CSPG4: variants seen among roughly 807,000 people sequenced by gnomAD.
The protein encoded by CSPG4 is chondroitin sulfate proteoglycan 4 (melanoma-associated).
A neutral mutation model predicts 139.3 loss-of-function variants in CSPG4; 74 were observed. The ratio of observed to expected loss-of-function variants is 0.53; its 90% CI spans 0.44 to 0.64. CSPG4 has a LOEUF of 0.64. Ranked by LOEUF, CSPG4 falls within the 30% of genes least tolerant of loss-of-function variation. CSPG4 has a pLI of 0.00. For synonymous variants in CSPG4, 1,234 were observed against 1,394.2 expected, an observed-to-expected ratio of 0.89 and a Z score of 2.56; for missense variants, 2,565 against 3,148.3, an observed-to-expected ratio of 0.81 and a Z score of 4.43.
chr15:75,690,283 C>T lies in CSPG4; in HGVS notation c.782G>A (p.Arg261Gln), dbSNP rs1157960844. 9 of 1,613,032 alleles carry T rather than the reference C, an allele frequency of 5.6e-6. No individual in the cohort carries two copies. The highest frequency in any genetic ancestry group is 2.2e-5 in the East Asian group (1 of 44,896). Reference protein sequence around the residue: ...IYVDIFEGHLRAVVEKGQGTV... With the variant: ...IYVDIFEGHLQAVVEKGQGTV... ...ACCCTGGCCCTTCTCCACCACGGCC[C>T]GCAGGTGGCCCTCAAATATGTCCAC... is the stretch of plus-strand genomic sequence containing the variant. Residue 261 changes from arginine to glutamine, a missense_variant, in exon 3 of 10, where the codon CGG becomes CAG. Coordinates refer to ENST00000308508, the MANE Select transcript of CSPG4 (RefSeq NM_001897.5).
chr15:75,690,942 A>G lies in CSPG4; in HGVS notation c.253-130T>C. ...GTAATCCTAGCACTTTGGGAGGCCA[A>G]GGCAGGCGGATCACCTGAGGTTAGG... On this transcript the variant is annotated intron_variant, in intron 2 of 9. Coordinates refer to ENST00000308508, the MANE Select transcript of CSPG4 (RefSeq NM_001897.5). The G allele has an allele frequency of 3.1e-6, 3 of 962,256 alleles. No homozygotes were observed. The South Asian group carries it at 5.4e-5, about 17-fold the overall frequency. 59.6% of individuals were successfully genotyped at this position (962,256 alleles called of 1,614,324 possible).
chr15:75,710,373 C>G (rs1305584245), intron 1 of CSPG4, among the ~76,000 whole-genome samples: 1 of 152,166 alleles, frequency 6.6e-6, no homozygotes, highest in Non-Finnish European at 1.5e-5. Flanking sequence ...GCTGGGGCCT[C>G]CCATACAGCT....
rs556815481 is a variant in CSPG4 at position 75,696,369 on chromosome 15, G to A, written c.89-3136C>T. Reference sequence around the variant, plus strand: ...GTGGGAGGGGCAGGAAGAGTGCTGCGTGTATGGGTTTCTCTCTCTGGAAGG... The same window carrying A: ...GTGGGAGGGGCAGGAAGAGTGCTGCATGTATGGGTTTCTCTCTCTGGAAGG... On this transcript the variant is annotated intron_variant, in intron 1 of 9. Coordinates refer to ENST00000308508, the MANE Select transcript of CSPG4 (RefSeq NM_001897.5). This position sits in a 1 kb window ranked among gnomAD's most constrained non-coding sequence, Gnocchi z 4.2. Among the ~76,000 whole-genome samples, 57 of 152,234 alleles carry A rather than the reference G, an allele frequency of 3.7e-4. No homozygotes were observed. Among genetic ancestry groups the A allele is most frequent in the Middle Eastern group, 3.4e-3 (1 of 294 alleles).
Position 75,682,937 on chromosome 15 carries a change from G to A in CSPG4, c.4554C>T (p.Asn1518=), listed in dbSNP as rs553544927. ...GCGCCCCCCGCAGCACTACCCGCCCGTTGCTGGGCTGCTCGATGGTGTAGA... is the reference window on the plus strand; with the variant it reads ...GCGCCCCCCGCAGCACTACCCGCCCATTGCTGGGCTGCTCGATGGTGTAGA... ...DLVYTIEQPS[N]GRVVLRGAPG... The change falls in exon 6 of 10, where the codon AAC becomes AAT. Residue 1518 remains asparagine (N), a synonymous_variant. Coordinates refer to ENST00000308508, the MANE Select transcript of CSPG4 (RefSeq NM_001897.5). The A allele has an allele frequency of 1.7e-5, 28 of 1,611,302 alleles. No homozygotes were observed. Among genetic ancestry groups the A allele is most frequent in the East Asian group, 1.3e-4 (6 of 44,882 alleles).
rs754582565 is a variant in CSPG4 at position 75,688,640 on chromosome 15, C to A, written c.2425G>T (p.Ala809Ser). 6.2e-7 allele frequency: 1 copy of A among 1,612,530 alleles called. No homozygotes were observed. The highest frequency in any genetic ancestry group is 2.2e-5 in the East Asian group (1 of 44,870). ...QETLTTAHLE[A>S]TLEEAGPSPP... ...CTTGGGCCTGCCTCCTCCAGGGTGGCCTCCAGGTGGGCTGTGGTGAGGGTC... is the reference window on the plus strand; with the variant it reads ...CTTGGGCCTGCCTCCTCCAGGGTGGACTCCAGGTGGGCTGTGGTGAGGGTC... Residue 809 changes from alanine to serine, a missense_variant, in exon 3 of 10, where the codon GCC becomes TCC. Physicochemically the swap from Ala to Ser is moderately conservative, Grantham distance 99. This residue lies in a region of CSPG4 where 2,316 missense variants were observed against 2,818.2 expected (regional missense o/e 0.82). Coordinates refer to ENST00000308508, the MANE Select transcript of CSPG4 (RefSeq NM_001897.5).
intron 1 of CSPG4, among the ~76,000 whole-genome samples, chr15:75,695,372 G>A (rs749179640): frequency 6.6e-6 from 1 of 152,224 alleles, no homozygotes; most frequent in Admixed American, 6.5e-5. Flanking sequence ...GTGGCAGGAA[G>A]TAGAGGTACT....
intron 5 of CSPG4, among the ~76,000 whole-genome samples, chr15:75,683,871 G>C (rs963980125): frequency 6.6e-6 from 1 of 152,212 alleles, no homozygotes; most frequent in Non-Finnish European, 1.5e-5. Context: ...CCCAGCACTA[G>C]GCTTCTGGAG....
In CSPG4 at chr15:75,693,161, T is replaced by C. The variant is rs750355675; in HGVS notation, c.161A>G (p.Gln54Arg). The change falls in exon 2 of 10, where the codon CAG becomes CGG. Residue 54 changes from glutamine (Q) to arginine (R), a missense_variant. Around this residue, in one of 5 missense-constraint regions of CSPG4, gnomAD observed 30 missense variants for 60.1 expected, o/e 0.50. Coordinates refer to ENST00000308508, the MANE Select transcript of CSPG4 (RefSeq NM_001897.5). ...GGCTTCGGGCTGGGACGTGGAGAAC[T>C]GCAGCTGCAGGTCTATGTCGGTCAG... Reference protein sequence around the residue: ...TALTDIDLQLQFSTSQPEALL... With the variant: ...TALTDIDLQLRFSTSQPEALL... 22 of 1,607,178 alleles carry C rather than the reference T, an allele frequency of 1.4e-5. No individual in the cohort carries two copies. Among genetic ancestry groups the C allele is most frequent in the Non-Finnish European group, 1.9e-5 (22 of 1,177,846 alleles).
intron 3 of CSPG4, among the ~76,000 whole-genome samples, chr15:75,686,061 A>C (rs1218886592): frequency 6.6e-6 from 1 of 152,030 alleles, no homozygotes; most frequent in Non-Finnish European, 1.5e-5. Flanking sequence ...CTAATTTTTA[A>C]ATTTTTTGTG....
chr15:75,704,376 C>T lies in CSPG4; in HGVS notation c.88+8292G>A, dbSNP rs534613143. Among the ~76,000 whole-genome samples the T allele has an allele frequency of 5.3e-5, 8 of 152,340 alleles. No individual in the cohort carries two copies. The South Asian group carries it at 1.2e-3, about 24-fold the overall frequency. ...ATCTCGCTGGCCCCAGGGCTGTCCA[C>T]GGTTGGAGGGACAGCCCCCGTCTGA... On this transcript the variant is annotated intron_variant, in intron 1 of 9. Coordinates refer to ENST00000308508, the MANE Select transcript of CSPG4 (RefSeq NM_001897.5).
intron 8 of CSPG4, chr15:75,679,003 A>G: frequency 2.9e-6 from 1 of 339,040 alleles, no homozygotes; most frequent in South Asian, 2.3e-5. Context: ...CTTCTCCCCA[A>G]CATCTTATGG....
chr15:75,682,260 A>C (rs1398800017), intron 8 of CSPG4, 33 bp downstream of exon 8: 2 of 1,596,118 alleles, frequency 1.3e-6, no homozygotes, highest in Admixed American at 3.3e-5. Context: ...GGCTGGGGGC[A>C]TCTGAGTGGT....
At chr15:75,681,338 C>T (rs1201639142) in intron 8 of CSPG4, among the ~76,000 whole-genome samples, 1 of 138,618 alleles carries the variant, frequency 7.2e-6, no homozygotes, top group African/African-American at 2.6e-5. Flanking sequence ...GAGTGCCAGG[C>T]TCAGGAGTCC....
At position 75,687,219 on chromosome 15, in the gene CSPG4, C is replaced by T. The variant is rs1337954917; in HGVS notation, c.3789+57G>A. ...GTCACGTGTGTTCCTGGCATGGAGG[C>T]TGGGAGAAGGCCCTCTACCTGGCCC... On this transcript the variant is annotated intron_variant, in intron 3 of 9. Coordinates refer to ENST00000308508, the MANE Select transcript of CSPG4 (RefSeq NM_001897.5). This position sits in a 1 kb window ranked among gnomAD's most constrained non-coding sequence, Gnocchi z 5.4. 8.8e-6 allele frequency: 14 copies of T among 1,593,356 alleles called. No homozygotes were observed. In the Admixed American group the frequency reaches 2.2e-4, roughly 25 times the overall value.
intron 1 of CSPG4, among the ~76,000 whole-genome samples, chr15:75,694,134 AG>A (rs1894197685): frequency 6.6e-6 from 1 of 152,242 alleles, no homozygotes; most frequent in Non-Finnish European, 1.5e-5. Context: ...GGCTGAAGAC[AG>A]GGCTTGGGAG....
chr15:75,685,671 T>A lies in CSPG4; in HGVS notation c.3820A>T (p.Ile1274Phe). 1 of 1,601,910 alleles carries A rather than the reference T, an allele frequency of 6.2e-7. No homozygotes were observed. The highest frequency in any genetic ancestry group is 1.1e-5 in the South Asian group (1 of 90,648). ...AAQEAVPPAD[I>F]VFSVKSPPSA... is the part of the protein sequence containing the mutation. ...GGTGGGCTCTTCACTGAGAATACGA[T>A]GTCTGCAGGTGGCACTGCCTCCTGG... Residue 1274 changes from isoleucine to phenylalanine, a missense_variant, in exon 4 of 10, where the codon ATC becomes TTC. This residue lies in a region of CSPG4 where 2,316 missense variants were observed against 2,818.2 expected (regional missense o/e 0.82). Transcript: ENST00000308508.
rs1376446021 is a variant in CSPG4, at chr15:75,689,002, A to G, written c.2063T>C (p.Val688Ala). 19 of 1,612,160 alleles carry G rather than the reference A, an allele frequency of 1.2e-5. No homozygotes were observed. Among genetic ancestry groups the G allele is most frequent in the Non-Finnish European group, 1.4e-5 (17 of 1,180,002 alleles). Residue 688 changes from valine to alanine, a missense_variant, in exon 3 of 10, where the codon GTG becomes GCG. Physicochemically the swap from Val to Ala is moderately conservative, Grantham distance 64 (BLOSUM62 0). Transcript: ENST00000308508. ...ATCCTGCCCCACGGCATTGGTCTCC[A>G]CCGACAGGTTGGCGGGCAAGATGGG... The part of the protein sequence containing the change: ...AMPILPANLS[V>A]ETNAVGQDVS...
rs578250641 is a variant in CSPG4 at position 75,690,009 on chromosome 15, C to T, written c.1056G>A (p.Leu352=). Residue 352 remains leucine, a synonymous_variant, in exon 3 of 10, where the codon CTG becomes CTA. Transcript: ENST00000308508. ...TGACACTGAGGTCTTCCATGCAGCC[C>T]AGCAGGGAGGCATTGGTGGCCTCTG... ...LTPEATNASL[L]GCMEDLSVNG... is the part of the protein sequence containing the mutation. 1.1e-5 allele frequency: 18 copies of T among 1,611,758 alleles called. No homozygotes were observed. In the South Asian group the frequency reaches 1.2e-4, roughly 11 times the overall value.
chr15:75,705,172 G>A (rs1334293308), intron 1 of CSPG4, among the ~76,000 whole-genome samples: 1 of 152,194 alleles, frequency 6.6e-6, no homozygotes, highest in Non-Finnish European at 1.5e-5. Context: ...TTCTAGCACT[G>A]AGAGAGGGGT....
Sources: gnomAD v4.1 joint callset for allele counts (sites outside exome capture counted in the v4.1 genomes callset) on GRCh38, gnomAD v4.1.1 for gene constraint, gnomAD v4.1.1 regional missense constraint, Gnocchi (gnomAD v3.1) non-coding constraint, MANE v1.5 for transcripts, NCBI Gene and HGNC (gene_info 2026-07-23, HGNC 2026-07-21) for gene names.